LRMDA: variants seen among roughly 807,000 people sequenced by gnomAD.
LRMDA encodes leucine-rich melanocyte differentiation-associated protein.
LRMDA carries 18 observed loss-of-function variants against 29.8 expected under a neutral mutation model. The observed-to-expected ratio is 0.60, with a 90% CI of 0.42 to 0.90. The LOEUF is 0.90. Ranked by LOEUF, LRMDA falls within the 40% of genes least tolerant of loss-of-function variation. The pLI is 0.00. For synonymous variants in LRMDA, 125 were observed against 109.4 expected, an observed-to-expected ratio of 1.14 and a Z score of -0.89; for missense variants, 273 against 273.9, an observed-to-expected ratio of 1.00 and a Z score of 0.02.
chr10:76,245,161 A>C (rs1035038215), intron 5 of LRMDA, among the ~76,000 whole-genome samples: 1 of 152,186 alleles, frequency 6.6e-6, no homozygotes, highest in African/African-American at 2.4e-5. Flanking sequence ...CAAGGGAAGA[A>C]AATTTTAAAA....
intron 5 of LRMDA, among the ~76,000 whole-genome samples, chr10:76,169,379 T>G (rs1850794575): frequency 6.6e-6 from 1 of 152,202 alleles, no homozygotes; most frequent in African/African-American, 2.4e-5. Flanking sequence ...CCCTGAAATA[T>G]TCTTTCCCTC....
chr10:75,966,560 T>C (rs1846864344), intron 2 of LRMDA, among the ~76,000 whole-genome samples: 1 of 152,198 alleles, frequency 6.6e-6, no homozygotes, highest in Non-Finnish European at 1.5e-5. Flanking sequence ...TTTGGGTAAC[T>C]ACACAGTGTC....
intron 2 of LRMDA, among the ~76,000 whole-genome samples, chr10:75,464,177 C>A (rs1341212626): frequency 6.6e-6 from 1 of 152,114 alleles, no homozygotes; most frequent in East Asian, 1.9e-4. Flanking sequence ...GGCTGGGATC[C>A]ATTGATTTTT....
chr10:75,970,383 C>G (rs1390216500), intron 2 of LRMDA, among the ~76,000 whole-genome samples: 2 of 152,246 alleles, frequency 1.3e-5, no homozygotes. Flanking sequence ...ACTCTGAGCC[C>G]TTTACCTCCC....
intron 2 of LRMDA, among the ~76,000 whole-genome samples, chr10:75,685,656 G>C (rs887334035): frequency 5.9e-5 from 9 of 152,202 alleles, no homozygotes; most frequent in African/African-American, 2.2e-4. Context: ...AGGGGACAAA[G>C]AGATACATAA....
At chr10:75,756,787 T>G (rs1843037655) in intron 2 of LRMDA, among the ~76,000 whole-genome samples, 1 of 152,308 alleles carries the variant, frequency 6.6e-6, no homozygotes, top group African/African-American at 2.4e-5. Context: ...CAAGGTGGCA[T>G]AGCTAGTAAA....
chr10:76,176,250 G>A (rs531767718), intron 5 of LRMDA, among the ~76,000 whole-genome samples: 10 of 152,248 alleles, frequency 6.6e-5, no homozygotes, highest in African/African-American at 9.6e-5. Context: ...CTTGGCATCC[G>A]GCGTCTATCA....
intron 2 of LRMDA, among the ~76,000 whole-genome samples, chr10:75,772,432 C>G (rs1843252722): frequency 6.6e-6 from 1 of 152,182 alleles, no homozygotes; most frequent in Admixed American, 6.5e-5. Flanking sequence ...AACGCCACAT[C>G]TTTTGCAGAA....
At chr10:75,829,643 A>T (rs1844305261) in intron 2 of LRMDA, among the ~76,000 whole-genome samples, 1 of 152,030 alleles carries the variant, frequency 6.6e-6, no homozygotes, top group South Asian at 2.1e-4. Flanking sequence ...TAAAGCATTC[A>T]TGAAATATCT....
chr10:75,700,256 G>GT (rs34497500), intron 2 of LRMDA, among the ~76,000 whole-genome samples: 20,463 of 140,384 alleles, frequency 0.15, 1,446 homozygotes, highest in South Asian at 0.28. Context: ...CTTTGTGTGA[G>GT]TTTTTTTTTT....
intron 5 of LRMDA, among the ~76,000 whole-genome samples, chr10:76,088,652 T>C (rs1039560045): frequency 6.6e-6 from 1 of 152,240 alleles, no homozygotes. Context: ...CCATTCCTTA[T>C]GGGTTTGTTG....
At chr10:75,626,253 A>G (rs1841248721) in intron 2 of LRMDA, among the ~76,000 whole-genome samples, 1 of 152,084 alleles carries the variant, frequency 6.6e-6, no homozygotes, top group South Asian at 2.1e-4. Flanking sequence ...TAAGATAACC[A>G]ATTGTCCTTG....
At chr10:75,942,239 G>A (rs373600350) in intron 2 of LRMDA, among the ~76,000 whole-genome samples, 152 of 152,200 alleles carry the variant, frequency 1.0e-3, no homozygotes, top group Non-Finnish European at 1.8e-3. Context: ...TTATGACCCA[G>A]CTAAGTGGTG....
chr10:76,190,340 A>C (rs2132220401), intron 5 of LRMDA, among the ~76,000 whole-genome samples: 3 of 152,344 alleles, frequency 2.0e-5, no homozygotes, highest in African/African-American at 7.2e-5. Flanking sequence ...TTGGCAACAG[A>C]ATCCCTAAAT....
chr10:76,306,719 T>G (rs1840561216), intron 5 of LRMDA, among the ~76,000 whole-genome samples: 1 of 152,336 alleles, frequency 6.6e-6, no homozygotes, highest in African/African-American at 2.4e-5. Flanking sequence ...TTCCCATACC[T>G]TTGAGGTTTG....
chr10:75,915,291 A>G (rs1845915121), intron 2 of LRMDA, among the ~76,000 whole-genome samples: 1 of 151,700 alleles, frequency 6.6e-6, no homozygotes, highest in South Asian at 2.1e-4. Context: ...ACCTGCCATC[A>G]TGCCCAGCTA....
chr10:75,441,777 T>C (rs1049616264), intron 2 of LRMDA, among the ~76,000 whole-genome samples: 22 of 152,232 alleles, frequency 1.4e-4, no homozygotes, highest in Non-Finnish European at 2.4e-4. Flanking sequence ...TTTTTTTTTT[T>C]CCTCCAAAGA....
intron 2 of LRMDA, among the ~76,000 whole-genome samples, chr10:75,877,943 C>T (rs1845227589): frequency 6.6e-6 from 1 of 152,202 alleles, no homozygotes; most frequent in South Asian, 2.1e-4. Context: ...ATCCCCCTCA[C>T]AGGGCATGCA....
At chr10:75,913,917 A>G (rs1303567822) in intron 2 of LRMDA, among the ~76,000 whole-genome samples, 1 of 152,148 alleles carries the variant, frequency 6.6e-6, no homozygotes, top group Non-Finnish European at 1.5e-5. Flanking sequence ...TATCCTCCAA[A>G]AGGCTTGCCC....
Sources: allele counts gnomAD v4.1 joint callset (sites outside exome capture counted in the v4.1 genomes callset), GRCh38; gene constraint gnomAD v4.1.1; transcripts MANE v1.5; gene names NCBI Gene and HGNC (gene_info 2026-07-23, HGNC 2026-07-21).